Variants in SIK3 observed in about 807,000 individuals in gnomAD.
The protein encoded by SIK3 is SIK family kinase 3, also known as serine/threonine-protein kinase SIK3.
In SIK3, 28 loss-of-function variants were observed where a neutral mutation model predicts 144.2. The ratio of observed to expected loss-of-function variants is 0.19; its 90% CI spans 0.14 to 0.27. SIK3 has a LOEUF of 0.27. SIK3 is among the 10% of genes least tolerant of loss of function. The pLI is 1.00. For missense variants in SIK3, 1,319 were observed against 1,776.0 expected (o/e 0.74, Z 4.62); for synonymous variants, 686 against 676.3 (o/e 1.01, Z -0.22).
chr11:116,884,094 T>C (rs1431016073), intron 6 of SIK3, among the ~76,000 whole-genome samples: 1 of 152,186 alleles, frequency 6.6e-6, no homozygotes, highest in Admixed American at 6.5e-5. Flanking sequence ...GCTAGAACAA[T>C]GGTGTTATAA....
chr11:117,013,332 AG>A (rs1951348959), intron 1 of SIK3, among the ~76,000 whole-genome samples: 1 of 152,108 alleles, frequency 6.6e-6, no homozygotes, highest in Non-Finnish European at 1.5e-5. Flanking sequence ...CTCCACTAAA[AG>A]TACAAAAAAT....
At chr11:116,897,460 G>A in intron 4 of SIK3, 143 bp from the exon 5 acceptor site, 1 of 703,592 alleles carries the variant, frequency 1.4e-6, no homozygotes, top group South Asian at 2.0e-5. Flanking sequence ...CACATAGCCA[G>A]ACACTTAAAA....
At chr11:117,046,229 C>A (rs768540371) in intron 1 of SIK3, among the ~76,000 whole-genome samples, 6 of 152,212 alleles carry the variant, frequency 3.9e-5, no homozygotes, top group Non-Finnish European at 7.3e-5. Context: ...GCACAATGCC[C>A]ATGTTAAGCA....
Position 116,858,375 on chromosome 11 carries a change from G to C in SIK3, c.3090C>G (p.His1030Gln). Residue 1030 changes from histidine to glutamine, a missense_variant, in exon 21 of 25, where the codon CAC (histidine) becomes CAG (glutamine). His to Gln is a conservative substitution (Grantham distance 24, BLOSUM62 0). This residue lies in a region of SIK3 where 646 missense variants were observed against 763.7 expected (regional missense o/e 0.85). Transcript: ENST00000445177. This position sits in a 1 kb window ranked among gnomAD's most constrained non-coding sequence, Gnocchi z 5.4. ...LLSPRHSLTGHSDIRLPPTEF... is the reference protein window; with the variant it reads ...LLSPRHSLTGQSDIRLPPTEF... ...CTGTTGGGGGCAGCCGGATGTCCGAGTGGCCGGTGAGCGAATGCCGGGGAG... is the reference window on the plus strand; with the variant it reads ...CTGTTGGGGGCAGCCGGATGTCCGACTGGCCGGTGAGCGAATGCCGGGGAG... 1.2e-6 allele frequency: 2 copies of C among 1,613,752 alleles called. No homozygotes were observed. The highest frequency in any genetic ancestry group is 2.2e-5 in the East Asian group (1 of 44,866).
intron 1 of SIK3, among the ~76,000 whole-genome samples, chr11:117,087,920 A>G (rs183106161): frequency 6.6e-6 from 1 of 152,286 alleles, no homozygotes; most frequent in African/African-American, 2.4e-5. Flanking sequence ...AAATAACAGC[A>G]ATGTTATGGT....
intron 1 of SIK3, among the ~76,000 whole-genome samples, chr11:117,023,621 A>AAAATATATATAT (rs754624841): frequency 4.6e-4 from 44 of 95,388 alleles, no homozygotes; most frequent in African/African-American, 1.8e-3. Context: ...AAAAAAAAAA[A>AAAATATATATAT]ATATATATAT....
chr11:116,970,911 C>T (rs2135465198), intron 1 of SIK3, among the ~76,000 whole-genome samples: 1 of 152,250 alleles, frequency 6.6e-6, no homozygotes, highest in Middle Eastern at 3.4e-3. Flanking sequence ...GCTCCCAAAG[C>T]ACTGGGGTTA....
At chr11:116,873,272 G>A (rs1419980657) in intron 13 of SIK3, among the ~76,000 whole-genome samples, 3 of 152,204 alleles carry the variant, frequency 2.0e-5, no homozygotes, top group Non-Finnish European at 4.4e-5. Context: ...GGAGTTCAAT[G>A]TAGAAATAAC....
chr11:117,024,503 G>A (rs1951929764), intron 1 of SIK3, among the ~76,000 whole-genome samples: 1 of 152,108 alleles, frequency 6.6e-6, no homozygotes, highest in Non-Finnish European at 1.5e-5. Context: ...ACTCTAAACT[G>A]ATGTAAGCCT....
At chr11:117,017,954 G>A (rs1951605341) in intron 1 of SIK3, among the ~76,000 whole-genome samples, 1 of 152,120 alleles carries the variant, frequency 6.6e-6, no homozygotes, top group Admixed American at 6.5e-5. Flanking sequence ...GAGCATGAGA[G>A]GAAATACCAT....
chr11:117,013,721 A>G (rs1951371968), intron 1 of SIK3, among the ~76,000 whole-genome samples: 2 of 151,724 alleles, frequency 1.3e-5, no homozygotes, highest in East Asian at 1.9e-4. Flanking sequence ...TTCCAGTGCT[A>G]TCTACTCAGA....
chr11:117,027,766 C>G (rs983331552), intron 1 of SIK3, among the ~76,000 whole-genome samples: 2 of 151,722 alleles, frequency 1.3e-5, no homozygotes, highest in Non-Finnish European at 2.9e-5. Flanking sequence ...TGTGCCCGGC[C>G]CAGGGAAGGC....
intron 3 of SIK3, among the ~76,000 whole-genome samples, chr11:116,947,529 A>ATG (rs1565487883): frequency 2.0e-4 from 22 of 109,246 alleles, no homozygotes; most frequent in South Asian, 1.0e-3. Context: ...ATATATATAT[A>ATG]TATATGTATG....
At chr11:116,884,976 T>A (rs762471913) in intron 6 of SIK3, among the ~76,000 whole-genome samples, 1 of 152,144 alleles carries the variant, frequency 6.6e-6, no homozygotes, top group Non-Finnish European at 1.5e-5. Flanking sequence ...GGAAGAAAAA[T>A]GGAAGTCCCA....
chr11:117,043,855 T>TA (rs1952847656), intron 1 of SIK3, among the ~76,000 whole-genome samples: 1 of 152,250 alleles, frequency 6.6e-6, no homozygotes, highest in Non-Finnish European at 1.5e-5. Flanking sequence ...GATGTTTTAT[T>TA]CACCTTTATG....
chr11:116,973,280 A>G (rs920349612), intron 1 of SIK3, among the ~76,000 whole-genome samples: 1 of 152,348 alleles, frequency 6.6e-6, no homozygotes, highest in African/African-American at 2.4e-5. Context: ...ATGGTTCTTT[A>G]TAAGGTAGAC....
intron 4 of SIK3, among the ~76,000 whole-genome samples, chr11:116,915,412 G>T (rs1234817600): frequency 3.9e-5 from 6 of 152,086 alleles, no homozygotes; most frequent in African/African-American, 7.2e-5. Flanking sequence ...CTAAAAACCA[G>T]ACTTGATTAA....
intron 1 of SIK3, among the ~76,000 whole-genome samples, chr11:116,974,904 G>C (rs533663254): frequency 6.6e-6 from 1 of 152,196 alleles, no homozygotes; most frequent in East Asian, 1.9e-4. Context: ...GAAAGCAAAA[G>C]CTAAGTGAAC....
chr11:116,973,713 G>A (rs1440454791), intron 1 of SIK3, among the ~76,000 whole-genome samples: 1 of 152,130 alleles, frequency 6.6e-6, no homozygotes, highest in Non-Finnish European at 1.5e-5. Flanking sequence ...TGTGCCCTTG[G>A]TATGATGTGA....
Sources: gnomAD v4.1 joint callset for allele counts (sites outside exome capture counted in the v4.1 genomes callset) on GRCh38, gnomAD v4.1.1 for gene constraint, gnomAD v4.1.1 regional missense constraint, Gnocchi (gnomAD v3.1) non-coding constraint, MANE v1.5 for transcripts, NCBI Gene and HGNC (gene_info 2026-07-23, HGNC 2026-07-21) for gene names.